SYNE2: variants seen among roughly 807,000 people sequenced by gnomAD.
The protein encoded by SYNE2 is nesprin-2.
A neutral mutation model predicts 856.3 loss-of-function variants in SYNE2; 431 were observed. The observed-to-expected ratio is 0.50, with a 90% CI of 0.47 to 0.55. The LOEUF (loss-of-function observed/expected upper bound fraction) is 0.55, where lower values mean the gene tolerates loss of function less well. SYNE2 is among the 20% of genes least tolerant of loss of function. The pLI, the probability that SYNE2 is intolerant of heterozygous loss-of-function variation, is 0.00. For missense variants in SYNE2, 8,129 were observed against 8,023.2 expected, an observed-to-expected ratio of 1.01 and a Z score of -0.50; for synonymous variants, 2,923 against 2,872.3, an observed-to-expected ratio of 1.02 and a Z score of -0.56.
rs141914507 is a variant in SYNE2, at chr14:63,952,556, T to C, written c.591-2163T>C. Among the ~76,000 whole-genome samples, 160 of 152,362 alleles carry C rather than the reference T, an allele frequency of 1.1e-3. 2 individuals carry two copies. In the East Asian group the frequency reaches 0.015, roughly 14 times the overall value. ...CCGGATTTGAAGTGCTGGCGCCCTG[T>C]ACTTTCTAACTGGTGACTTTGAACA... On this transcript the variant is annotated intron_variant, in intron 7 of 115. Transcript: ENST00000555002.
At chr14:64,075,540 G>A in intron 53 of SYNE2, 1 of 240,202 alleles carries the variant, frequency 4.2e-6, no homozygotes, top group Non-Finnish European at 8.2e-6. Context: ...TGATGATAAT[G>A]GAGGAAGAAG....
rs1460262061 is a variant in SYNE2, at chr14:64,224,556, C to T, written c.20469+9C>T. ...CAGCTCCCCGAGCAAAGGTAAGAAG[C>T]CCCTTCCTTCTGTGAGAACCTCACT... On this transcript the variant is annotated intron_variant, in intron 114 of 115. Coordinates refer to ENST00000555002, the MANE Select transcript of SYNE2 (RefSeq NM_182914.3). 2 of 1,613,980 alleles carry T rather than the reference C, an allele frequency of 1.2e-6. No individual in the cohort carries two copies. The highest frequency in any genetic ancestry group is 1.7e-5 in the Admixed American group (1 of 60,010).
Position 63,805,653 on chromosome 14 carries a change from G to A in SYNE2, c.-305+43667G>A, listed in dbSNP as rs1440487877. 4.6e-5 allele frequency among the ~76,000 whole-genome samples: 7 copies of A among 152,274 alleles called. No individual in the cohort carries two copies. The East Asian group carries it at 1.2e-3, about 25-fold the overall frequency. ...GCCTTCCAAAGTGCTGATTACAAGC[G>A]TGAGCCACCGCGCCCGGCCATCACT... is the stretch of plus-strand genomic sequence containing the variant. On this transcript the variant is annotated intron_variant, in intron 1 of 23. Coordinates refer to the SYNE2 transcript ENST00000674003.
intron 58 of SYNE2, 95 bp from the exon 59 acceptor site, chr14:64,089,479 G>T (rs752435228): frequency 2.7e-4 from 346 of 1,263,324 alleles, no homozygotes; most frequent in Non-Finnish European, 3.6e-4. Flanking sequence ...ACATTATTTG[G>T]CTAAATAAGA....
In SYNE2 at chr14:64,216,241, G is replaced by C; in HGVS notation, c.19403-7G>C. 2 of 1,614,114 alleles carry C rather than the reference G, an allele frequency of 1.2e-6. No individual in the cohort carries two copies. The highest frequency in any genetic ancestry group is 1.1e-5 in the South Asian group (1 of 91,072). On this transcript the variant is annotated splice_polypyrimidine_tract_variant and splice_region_variant and intron_variant, in intron 107 of 115. Transcript: ENST00000555002. ...AATAGACTGTCGCTTGCTGTCTTTC[G>C]TTTCAGGTAAATCCATTTCGGATGG...
At chr14:63,989,163 C>T (rs551653834) in intron 19 of SYNE2, among the ~76,000 whole-genome samples, 11 of 152,050 alleles carry the variant, frequency 7.2e-5, no homozygotes, top group Non-Finnish European at 1.2e-4. Flanking sequence ...TTGAATTATA[C>T]AAGCTCTTTG....
At chr14:63,879,249 TA>T (rs1161820175) in intron 1 of SYNE2, among the ~76,000 whole-genome samples, 4 of 152,250 alleles carry the variant, frequency 2.6e-5, no homozygotes, top group African/African-American at 9.6e-5. Flanking sequence ...AAGATTGATT[TA>T]AAAATCTTTT....
intron 11 of SYNE2, among the ~76,000 whole-genome samples, chr14:63,974,022 G>A (rs1049143013): frequency 6.6e-6 from 1 of 152,176 alleles, no homozygotes; most frequent in African/African-American, 2.4e-5. Flanking sequence ...TTGAGGCCAG[G>A]AGTTCAAGAC....
intron 1 of SYNE2, among the ~76,000 whole-genome samples, chr14:63,815,205 C>CATATATATGTGGATATATAT (rs1555341286): frequency 2.1e-5 from 2 of 94,612 alleles, no homozygotes; most frequent in Non-Finnish European, 4.3e-5. Context: ...TATATATATC[C>CATATATATGTGGATATATAT]ATATATATAT....
At position 64,052,022 on chromosome 14, in the gene SYNE2, G is replaced by A; in HGVS notation, c.8109G>A (p.Glu2703=). The change falls in exon 48 of 116, where the codon GAG becomes GAA. Residue 2703 remains glutamate (E), a synonymous_variant. Transcript: ENST00000555002. The part of the protein sequence containing the change: ...IWGEKEKKNL[E]DGINNLKKQW... ...GAGAAAAAGAAAAGAAGAATTTGGA[G>A]GATGGAATAAATAACTTGAAGAAAC... is the stretch of plus-strand genomic sequence containing the variant. 1 of 1,613,750 alleles carries A rather than the reference G, an allele frequency of 6.2e-7. No homozygotes were observed. The highest frequency in any genetic ancestry group is 8.5e-7 in the Non-Finnish European group (1 of 1,179,944).
At chr14:64,087,093 TAAAAAAAA>T (rs56917782) in intron 57 of SYNE2, among the ~76,000 whole-genome samples, 2 of 98,426 alleles carry the variant, frequency 2.0e-5, no homozygotes, top group African/African-American at 3.7e-5. Context: ...TGATAATTGG[TAAAAAAAA>T]AAAAAAAAAA....
chr14:64,190,518 AG>A (rs2098513088), intron 99 of SYNE2: 1 of 667,252 alleles, frequency 1.5e-6, no homozygotes, highest in African/African-American at 1.8e-5. Flanking sequence ...GATCCTTGGG[AG>A]GGGGTATTGT....
Position 64,049,864 on chromosome 14 carries a change from A to ATT in SYNE2, c.7631_7632insTT (p.Glu2544AspfsTer2). 1 of 1,614,026 alleles carries ATT rather than the reference A, an allele frequency of 6.2e-7. No homozygotes were observed. The highest frequency in any genetic ancestry group is 8.5e-7 in the Non-Finnish European group (1 of 1,179,932). Reference sequence around the variant, plus strand: ...ATGAAAGCCTTGTTGACAGACAAGGAAAGTCTTAAAGTGTAAGTGTAAGAA... The same window carrying ATT: ...ATGAAAGCCTTGTTGACAGACAAGGATTAAGTCTTAAAGTGTAAGTGTAAGAA... On this transcript the variant is annotated frameshift_variant, in exon 47 of 116. Transcript: ENST00000555002. LOFTEE classifies it high-confidence loss of function.
At chr14:63,956,108 T>C (rs1485865192) in intron 8 of SYNE2, among the ~76,000 whole-genome samples, 1 of 152,254 alleles carries the variant, frequency 6.6e-6, no homozygotes, top group African/African-American at 2.4e-5. Flanking sequence ...TTCATCTCTT[T>C]TTTAGCAGTT....
intron 66 of SYNE2, among the ~76,000 whole-genome samples, chr14:64,116,011 T>A (rs1481882686): frequency 5.3e-5 from 8 of 151,746 alleles, no homozygotes; most frequent in Admixed American, 5.3e-4. Context: ...AAAAAAAAAT[T>A]AAAAAATAAA....
chr14:63,945,474 C>T (rs1433130251), intron 6 of SYNE2, among the ~76,000 whole-genome samples: 1 of 152,114 alleles, frequency 6.6e-6, no homozygotes, highest in African/African-American at 2.4e-5. Flanking sequence ...TGAGATTTAC[C>T]TTATTGTAGC....
Position 64,184,943 on chromosome 14 carries a change from C to T in SYNE2, c.17557-1481C>T, listed in dbSNP as rs972754714. ...GAATTAACATATTGTTAGGGCCTTT[C>T]ACACTTATCCCTGATTTTAGGCATA... On this transcript the variant is annotated intron_variant, in intron 96 of 115. Coordinates refer to ENST00000555002, the MANE Select transcript of SYNE2 (RefSeq NM_182914.3). Among the ~76,000 whole-genome samples the T allele has an allele frequency of 9.2e-5, 14 of 152,220 alleles. 1 individual carries two copies. The highest frequency in any genetic ancestry group is 1.8e-4 in the Non-Finnish European group (12 of 68,048).
Position 64,044,143 on chromosome 14 carries a change from C to T in SYNE2, c.7222-3857C>T, listed in dbSNP as rs555135566. 2.0e-5 allele frequency among the ~76,000 whole-genome samples: 3 copies of T among 152,352 alleles called. No homozygotes were observed. The South Asian group carries it at 6.2e-4, about 32-fold the overall frequency. On this transcript the variant is annotated intron_variant, in intron 45 of 115. Coordinates refer to ENST00000555002, the MANE Select transcript of SYNE2 (RefSeq NM_182914.3). ...AAGCAGCTGGGAGGGAGGCTGTACC[C>T]TGCAAAGCCACAGGTGCAGAGCTGC...
At chr14:63,982,533 A>AG (rs1057437668) in intron 16 of SYNE2, 97 bp from the exon 17 acceptor site, 40 of 1,204,300 alleles carry the variant, frequency 3.3e-5, no homozygotes, top group South Asian at 8.6e-5. Context: ...AAAAAAAAAA[A>AG]AAAAGAAAAG....
Sources: gnomAD v4.1 joint callset for allele counts (sites outside exome capture counted in the v4.1 genomes callset) on GRCh38, gnomAD v4.1.1 for gene constraint, MANE v1.5 for transcripts, NCBI Gene and HGNC (gene_info 2026-07-23, HGNC 2026-07-21) for gene names.